Variants in SIN3A observed in about 807,000 individuals in gnomAD.
SIN3A encodes SIN3 transcription regulator family member A, also known as paired amphipathic helix protein Sin3a.
SIN3A carries 14 observed loss-of-function variants against 146.1 expected under a neutral mutation model. The ratio of observed to expected loss-of-function variants is 0.10; its 90% confidence interval spans 0.06 to 0.15. The LOEUF (loss-of-function observed/expected upper bound fraction) is 0.15, where lower values mean the gene tolerates loss of function less well. Among genes scored for constraint, SIN3A ranks in the 10% least tolerant of loss-of-function variants. The probability of loss-of-function intolerance (pLI) is 1.00; values close to 1 mark genes in which losing one functional copy is unlikely to be tolerated. For synonymous variants in SIN3A, 572 were observed against 572.0 expected, an observed-to-expected ratio of 1.00 and a Z score of 0.00; for missense variants, 1,028 against 1,576.0, an observed-to-expected ratio of 0.65 and a Z score of 5.89.
At chr15:75,419,199 G>C in intron 3 of SIN3A, 1 of 152,106 alleles carries the variant, frequency 6.6e-6, no homozygotes, top group Non-Finnish European at 1.5e-5. Context: ...CAAATATCAT[G>C]ACAATTTCTG....
At position 75,376,859 on chromosome 15, in the gene SIN3A, T is replaced by TAAAAAAAAAAAAA. The variant is rs200318256; in HGVS notation, c.3384-1000_3384-988dup. Among the ~76,000 whole-genome samples the TAAAAAAAAAAAAA allele has an allele frequency of 6.1e-4, 71 of 115,782 alleles. 1 individual carries two copies. The highest frequency in any genetic ancestry group is 2.0e-3 in the African/African-American group (64 of 31,460). The allele number at this position is 115,782 out of a possible 152,430, so 76.0% of individuals were successfully genotyped here. On this transcript the variant is annotated intron_variant, in intron 19 of 20. Transcript: ENST00000394947. ...TGGGACACAGAGCCAGACACTGTCT[T>TAAAAAAAAAAAAA]AAAAAAAAAAAAAAAAAAAAAAAAC...
intron 17 of SIN3A, among the ~76,000 whole-genome samples, chr15:75,383,119 A>T (rs544961795): frequency 7.2e-5 from 11 of 151,938 alleles, no homozygotes; most frequent in African/African-American, 2.4e-4. Flanking sequence ...GAAAAAAAAA[A>T]AAATTAGCTG....
chr15:75,435,715 A>G (rs1046055829), intron 1 of SIN3A, among the ~76,000 whole-genome samples: 1 of 151,162 alleles, frequency 6.6e-6, no homozygotes, highest in Middle Eastern at 3.2e-3. Flanking sequence ...AAAAAAAAAA[A>G]GAAGAAGAAA....
chr15:75,413,600 GTAGCACAAT>G (rs2073683199), intron 4 of SIN3A, among the ~76,000 whole-genome samples: 1 of 149,212 alleles, frequency 6.7e-6, no homozygotes, highest in Non-Finnish European at 1.5e-5. Flanking sequence ...CTGGAGTGCA[GTAGCACAAT>G]CTCGGCACAC....
In SIN3A at chr15:75,384,312, C is replaced by T. The variant is rs555423818; in HGVS notation, c.3147G>A (p.Thr1049=). The T allele has an allele frequency of 2.3e-5, 37 of 1,613,034 alleles. No individual in the cohort carries two copies. Among genetic ancestry groups the T allele is most frequent in the Admixed American group, 1.2e-4 (7 of 59,916 alleles). The change falls in exon 17 of 21, where the codon ACG becomes ACA. Residue 1049 remains threonine, a synonymous_variant. Coordinates refer to ENST00000394947, the MANE Select transcript of SIN3A (RefSeq NM_001145358.2). ...TTAGCTGCTCAGCTTTCCGCTGATA[C>T]GTTGACTCCAGGAGGCTCCTTGAGT... ...TQNSRSLLES[T]YQRKAEQLMS...
intron 16 of SIN3A, among the ~76,000 whole-genome samples, chr15:75,385,916 C>G (rs1360683204): frequency 1.3e-5 from 2 of 152,058 alleles, no homozygotes; most frequent in Admixed American, 6.5e-5. Flanking sequence ...TTATGAGTAC[C>G]TGATATCATG....
intron 2 of SIN3A, among the ~76,000 whole-genome samples, chr15:75,428,114 T>C (rs2073958461): frequency 6.6e-6 from 1 of 152,220 alleles, no homozygotes; most frequent in Non-Finnish European, 1.5e-5. Context: ...ATGATCAGTG[T>C]TGGTCAGGAC....
chr15:75,402,882 G>A (rs59654332), intron 9 of SIN3A, among the ~76,000 whole-genome samples: 6 of 152,078 alleles, frequency 3.9e-5, no homozygotes, highest in South Asian at 2.1e-4. Flanking sequence ...TGATCCACCC[G>A]CCTTGGCCTC....
At position 75,394,687 on chromosome 15, in the gene SIN3A, T is replaced by C. The variant is rs1379289909; in HGVS notation, c.2270A>G (p.Tyr757Cys). Residue 757 changes from tyrosine to cysteine, a missense_variant, in exon 14 of 21, where the codon TAT (tyrosine) becomes TGT (cysteine). Transcript: ENST00000394947. ...CAGAAACCCCCCGCTCACCTCATCA[T>C]AGATACTCTCAATCTCATTGAGTAA... is the stretch of plus-strand genomic sequence containing the variant. ...KSLLNEIESI[Y>C]DERQEQATEE... 9.9e-6 allele frequency: 16 copies of C among 1,612,046 alleles called. No individual in the cohort carries two copies. The highest frequency in any genetic ancestry group is 1.4e-5 in the Non-Finnish European group (16 of 1,179,222).
Position 75,414,383 on chromosome 15 carries a change from A to G in SIN3A, c.367-72T>C, listed in dbSNP as rs2073697307. 6.8e-6 allele frequency: 5 copies of G among 735,080 alleles called. No individual in the cohort carries two copies. In the South Asian group the frequency reaches 1.7e-4, roughly 25 times the overall value. The allele number at this position is 735,080 out of a possible 1,614,324, so 45.5% of individuals were successfully genotyped here. ...TAATTACAAAAAAAAAACAAAAACA[A>G]ATTATTTATGCCTAAGTATGCTTAA... On this transcript the variant is annotated intron_variant, in intron 3 of 20. Transcript: ENST00000394947.
intron 20 of SIN3A, among the ~76,000 whole-genome samples, chr15:75,375,352 A>G (rs2072835472): frequency 6.6e-6 from 1 of 152,198 alleles, no homozygotes; most frequent in Non-Finnish European, 1.5e-5. Flanking sequence ...CAGGAATGCC[A>G]AAGATTGCCA....
chr15:75,422,856 A>AAG, intron 2 of SIN3A, 33 bp from the exon 3 acceptor site: 1 of 1,593,094 alleles, frequency 6.3e-7, no homozygotes, highest in Non-Finnish European at 8.6e-7. Flanking sequence ...AGGAAACTTC[A>AAG]AGGCTTGTAC....
chr15:75,436,807 G>A (rs1194355829), intron 1 of SIN3A, among the ~76,000 whole-genome samples: 1 of 151,836 alleles, frequency 6.6e-6, no homozygotes. Context: ...ACCAGCTCTT[G>A]AGTGGAAAAA....
rs1595908464 is a variant in SIN3A, at chr15:75,412,826, T to C, written c.693A>G (p.Ser231=). The C allele has an allele frequency of 8.7e-6, 14 of 1,611,158 alleles. No homozygotes were observed. The highest frequency in any genetic ancestry group is 1.1e-5 in the Non-Finnish European group (13 of 1,178,114). ...GGGCAGGAGCTGGGGCTGACTGGGC[T>C]GAAGGCTGGGAAGGATGTTGGGGTG... ...QPPPQHPSQP[S]AQSAPAPAQP... is the part of the protein sequence containing the mutation. The change falls in exon 5 of 21, where the codon TCA becomes TCG. Residue 231 remains serine (S), a synonymous_variant. Coordinates refer to ENST00000394947, the MANE Select transcript of SIN3A (RefSeq NM_001145358.2).
chr15:75,430,904 T>C (rs990763331), intron 1 of SIN3A, among the ~76,000 whole-genome samples: 4 of 151,800 alleles, frequency 2.6e-5, no homozygotes, highest in African/African-American at 9.7e-5. Flanking sequence ...GCCTCCCGAG[T>C]AGCTGGGACT....
At chr15:75,437,692 G>T (rs1032102399) in intron 1 of SIN3A, among the ~76,000 whole-genome samples, 1 of 152,072 alleles carries the variant, frequency 6.6e-6, no homozygotes, top group Non-Finnish European at 1.5e-5. Context: ...AGCCACAAAA[G>T]TACTGTCAAG....
rs1336143415 is a variant in SIN3A at position 75,451,628 on chromosome 15, G to C, written c.-239C>G. On this transcript the variant is annotated 5_prime_UTR_variant, in exon 1 of 21. Coordinates refer to ENST00000394947, the MANE Select transcript of SIN3A (RefSeq NM_001145358.2). ...AGGGAGGGAAACTCCGAGGGGGGAAGGGGAGGGGGGAAGATGGAGAAACCG... is the reference window on the plus strand; with the variant it reads ...AGGGAGGGAAACTCCGAGGGGGGAACGGGAGGGGGGAAGATGGAGAAACCG... 6.7e-6 allele frequency: 1 copy of C among 150,012 alleles called. No individual in the cohort carries two copies. Among genetic ancestry groups the C allele is most frequent in the Non-Finnish European group, 1.5e-5 (1 of 67,372 alleles). 9.3% of individuals were successfully genotyped at this position (150,012 alleles called of 1,614,324 possible).
chr15:75,439,656 T>C (rs2074167995), intron 1 of SIN3A, among the ~76,000 whole-genome samples: 1 of 151,974 alleles, frequency 6.6e-6, no homozygotes, highest in Admixed American at 6.6e-5. Flanking sequence ...TCAATGCTTC[T>C]TTTACGGCAT....
intron 12 of SIN3A, among the ~76,000 whole-genome samples, chr15:75,396,788 G>A (rs1334025609): frequency 6.6e-6 from 1 of 152,120 alleles, no homozygotes; most frequent in Non-Finnish European, 1.5e-5. Flanking sequence ...TACCACCACC[G>A]TCGCTGCTGC....
Sources: gnomAD v4.1 joint callset for allele counts (sites outside exome capture counted in the v4.1 genomes callset) on GRCh38, gnomAD v4.1.1 for gene constraint, MANE v1.5 for transcripts, NCBI Gene and HGNC (gene_info 2026-07-23, HGNC 2026-07-21) for gene names.